The following MICAL3 variants were observed in gnomAD, a reference collection of about 807,000 sequenced individuals.
MICAL3 encodes the protein microtubule associated monooxygenase, calponin and LIM domain containing 3, also known as [F-actin]-monooxygenase MICAL3.
In MICAL3, 62 loss-of-function variants were observed where a neutral mutation model predicts 207.4. That is an observed-to-expected ratio of 0.30 (90% CI 0.24 to 0.37). MICAL3 has a LOEUF of 0.37. Ranked by LOEUF, MICAL3 falls within the 10% of genes least tolerant of loss-of-function variation. MICAL3 has a pLI of 1.00. For missense variants in MICAL3, 2,368 were observed against 2,635.6 expected, an observed-to-expected ratio of 0.90 and a Z score of 2.22; for synonymous variants, 1,077 against 1,069.3, an observed-to-expected ratio of 1.01 and a Z score of -0.14.
Position 17,841,624 on chromosome 22 carries a change from C to T in MICAL3, c.2801+198G>A. ...CAAGGAATAAATACTTCCTGAATCT[C>T]TGAATTGAGTCTGATGGAGGAGTCC... On this transcript the variant is annotated intron_variant, in intron 20 of 31. Coordinates refer to ENST00000441493, the MANE Select transcript of MICAL3 (RefSeq NM_015241.3). The surrounding 1 kb of genome is among the most constrained non-coding windows in gnomAD (Gnocchi z 4.2). The T allele has an allele frequency of 1.7e-6, 1 of 599,648 alleles. No individual in the cohort carries two copies. The highest frequency in any genetic ancestry group is 3.0e-6 in the Non-Finnish European group (1 of 336,868). The allele number at this position is 599,648 out of a possible 1,614,324, so 37.1% of individuals were successfully genotyped here. A position where few individuals can be genotyped will look rare whatever the true frequency, so the allele number is the denominator to read the frequency against.
At chr22:18,023,997 C>A (rs1223498394) in intron 1 of MICAL3, among the ~76,000 whole-genome samples, 4 of 152,292 alleles carry the variant, frequency 2.6e-5, no homozygotes, top group Admixed American at 6.5e-5. Context: ...TGGGAGACAG[C>A]CCTGCTCTCT....
intron 9 of MICAL3, among the ~76,000 whole-genome samples, chr22:17,895,660 G>A (rs1286642855): frequency 6.6e-6 from 1 of 151,822 alleles, no homozygotes; most frequent in Non-Finnish European, 1.5e-5. Flanking sequence ...CACAGATGCT[G>A]CCTCCAACTC....
chr22:17,898,744 G>A (rs374952105), intron 7 of MICAL3, among the ~76,000 whole-genome samples: 58 of 152,258 alleles, frequency 3.8e-4, no homozygotes, highest in Admixed American at 2.8e-3. Flanking sequence ...CCATCCACGC[G>A]GTGGTCTTCT....
At chr22:17,937,345 T>C (rs1234523621) in intron 1 of MICAL3, among the ~76,000 whole-genome samples, 1 of 152,168 alleles carries the variant, frequency 6.6e-6, no homozygotes, top group African/African-American at 2.4e-5. Flanking sequence ...TTCCCCCCGA[T>C]CTACTTCAGT....
At chr22:17,905,041 T>C (rs1182880491) in intron 2 of MICAL3, among the ~76,000 whole-genome samples, 1 of 152,204 alleles carries the variant, frequency 6.6e-6, no homozygotes, top group African/African-American at 2.4e-5. Context: ...CCACCATGAA[T>C]GGAGAAGACA....
intron 16 of MICAL3, among the ~76,000 whole-genome samples, chr22:17,879,710 G>A (rs1929242527): frequency 6.6e-6 from 1 of 152,216 alleles, no homozygotes; most frequent in South Asian, 2.1e-4. Context: ...TAAGATCAGA[G>A]GCATCAAATG....
At chr22:17,894,557 G>A (rs1293400953) in intron 10 of MICAL3, among the ~76,000 whole-genome samples, 1 of 151,678 alleles carries the variant, frequency 6.6e-6, no homozygotes, top group Non-Finnish European at 1.5e-5. Flanking sequence ...TTACACTAGG[G>A]GCCAGGCACG....
intron 17 of MICAL3, among the ~76,000 whole-genome samples, chr22:17,869,110 A>G (rs1285362562): frequency 6.6e-6 from 1 of 152,124 alleles, no homozygotes; most frequent in East Asian, 1.9e-4. Flanking sequence ...TGGCTTCATC[A>G]TGCTTATGGG....
At chr22:17,962,458 G>A (rs945533115) in intron 1 of MICAL3, among the ~76,000 whole-genome samples, 5 of 152,192 alleles carry the variant, frequency 3.3e-5, no homozygotes, top group African/African-American at 1.2e-4. Context: ...GAGAGCTGGT[G>A]TGGGACCTGG....
intron 16 of MICAL3, among the ~76,000 whole-genome samples, chr22:17,877,171 GGGAGGTTAGGGAAGTTAT>G (rs1928696540): frequency 1.7e-4 from 5 of 30,006 alleles, no homozygotes; most frequent in African/African-American, 2.1e-4. Context: ...ATGGAGGTTA[GGGAGGTTAGGGAAGTTAT>G]GGAGGTTAGG....
intron 16 of MICAL3, among the ~76,000 whole-genome samples, chr22:17,877,230 G>C (rs796563228): frequency 3.2e-5 from 3 of 93,928 alleles, no homozygotes; most frequent in East Asian, 3.4e-4. Context: ...GGTTAGGGAG[G>C]TTATGGAGGT....
chr22:17,926,620 C>G (rs1394439152), intron 1 of MICAL3, among the ~76,000 whole-genome samples: 2 of 152,232 alleles, frequency 1.3e-5, no homozygotes, highest in African/African-American at 4.8e-5. Context: ...CCCTGAATCT[C>G]AATTCTAGTA....
At chr22:17,901,684 T>A (rs921233479) in intron 5 of MICAL3, among the ~76,000 whole-genome samples, 194 bp downstream of exon 5, 18 of 151,604 alleles carry the variant, frequency 1.2e-4, no homozygotes, top group Non-Finnish European at 2.4e-4. Flanking sequence ...ATAAAATAAT[T>A]AAATAAAATA....
chr22:17,843,751 C>T (rs918910465), intron 19 of MICAL3, among the ~76,000 whole-genome samples: 7 of 152,224 alleles, frequency 4.6e-5, no homozygotes, highest in African/African-American at 1.7e-4. Flanking sequence ...TGTGCATACT[C>T]CTGGAAAGCT....
chr22:17,988,815 T>C (rs1921330959), intron 1 of MICAL3, among the ~76,000 whole-genome samples: 3 of 152,116 alleles, frequency 2.0e-5, no homozygotes, highest in Admixed American at 2.0e-4. Context: ...TTTTGTGACA[T>C]GTAAAAATGA....
At chr22:17,968,075 TA>T (rs56004212) in intron 1 of MICAL3, among the ~76,000 whole-genome samples, 31,412 of 151,014 alleles carry the variant, frequency 0.21, 3,403 homozygotes, top group Middle Eastern at 0.27. Flanking sequence ...AAAAATTAAA[TA>T]AAAATAATTA....
Position 17,899,545 on chromosome 22 carries a change from A to G in MICAL3, c.851T>C (p.Ile284Thr). The change falls in exon 7 of 32, where the codon ATT becomes ACT. Residue 284 changes from isoleucine (I) to threonine (T), a missense_variant. This residue lies in a region of MICAL3 where 400 missense variants were observed against 547.0 expected (regional missense o/e 0.73). Transcript: ENST00000441493. ...FFQELREATGIDLENIVYYKD... is the reference protein window; with the variant it reads ...FFQELREATGTDLENIVYYKD... ...GTAGTAAACGATGTTCTCCAAGTCA[A>G]TACCTGGGGCCAGAAGACAAACGTG... The G allele has an allele frequency of 6.3e-7, 1 of 1,593,254 alleles. No homozygotes were observed. The highest frequency in any genetic ancestry group is 1.1e-5 in the South Asian group (1 of 88,278).
Position 17,796,870 on chromosome 22 carries a change from C to T in MICAL3, c.5651-5569G>A, listed in dbSNP as rs2061882120. ...CCGAGCACCTCACTCCAGGCCCTGC[C>T]TCTCATGGGCCCAAGACCCAGTGTG... On this transcript the variant is annotated intron_variant, in intron 29 of 31. Transcript: ENST00000441493. This position sits in a 1 kb window ranked among gnomAD's most constrained non-coding sequence, Gnocchi z 4.4. 6.6e-6 allele frequency among the ~76,000 whole-genome samples: 1 copy of T among 152,224 alleles called. No homozygotes were observed. Among genetic ancestry groups the T allele is most frequent in the African/African-American group, 2.4e-5 (1 of 41,450 alleles).
chr22:17,978,148 T>C (rs1935741019), intron 1 of MICAL3, among the ~76,000 whole-genome samples: 1 of 152,210 alleles, frequency 6.6e-6, no homozygotes, highest in Non-Finnish European at 1.5e-5. Flanking sequence ...CAAATGCCTA[T>C]CAACTACTGA....
Sources: gnomAD v4.1 joint callset for allele counts (sites outside exome capture counted in the v4.1 genomes callset) on GRCh38, gnomAD v4.1.1 for gene constraint, gnomAD v4.1.1 regional missense constraint, Gnocchi (gnomAD v3.1) non-coding constraint, MANE v1.5 for transcripts, NCBI Gene and HGNC (gene_info 2026-07-23, HGNC 2026-07-21) for gene names.